The following TSHZ3 variants were observed in gnomAD, a reference collection of about 807,000 sequenced individuals.
TSHZ3 encodes the protein teashirt homolog 3.
TSHZ3 carries 10 observed loss-of-function variants against 64.5 expected under a neutral mutation model. The ratio of observed to expected loss-of-function variants is 0.16; its 90% CI spans 0.10 to 0.26. The LOEUF is 0.26. TSHZ3 is among the 10% of genes least tolerant of loss of function. TSHZ3 has a pLI of 1.00. For missense variants in TSHZ3, 1,242 were observed against 1,421.7 expected, an observed-to-expected ratio of 0.87 and a Z score of 2.03; for synonymous variants, 608 against 593.1, an observed-to-expected ratio of 1.03 and a Z score of -0.36.
At chr19:31,168,284 A>C (rs542508094) in intron 5 of TSHZ3, among the ~76,000 whole-genome samples, 1 of 152,168 alleles carries the variant, frequency 6.6e-6, no homozygotes, top group East Asian at 1.9e-4. Flanking sequence ...TCACAAATCT[A>C]TAGTGTCTAT....
chr19:31,190,109 G>T (rs1974879345), intron 5 of TSHZ3, among the ~76,000 whole-genome samples: 2 of 152,096 alleles, frequency 1.3e-5, no homozygotes, highest in Non-Finnish European at 2.9e-5. Context: ...CTGTTACCAA[G>T]TCTCACTATC....
At position 31,349,309 on chromosome 19, in the gene TSHZ3, C is replaced by T. The variant is rs1344033082; in HGVS notation, c.-90G>A. 2.0e-5 allele frequency: 26 copies of T among 1,325,268 alleles called. No homozygotes were observed. The highest frequency in any genetic ancestry group is 3.1e-5 in the African/African-American group (2 of 64,032). The allele number at this position is 1,325,268 out of a possible 1,614,324, so 82.1% of individuals were successfully genotyped here. ...AGGGGGCGGCGGGCCCGCGGGGGGG[C>T]GAGGCGGGCCTGCTCTCAGCCTCCC... is the stretch of plus-strand genomic sequence containing the variant. On this transcript the variant is annotated 5_prime_UTR_variant, in exon 1 of 2. Coordinates refer to ENST00000240587, the MANE Select transcript of TSHZ3 (RefSeq NM_020856.4).
At chr19:31,219,192 C>T (rs1975369115) in intron 4 of TSHZ3, among the ~76,000 whole-genome samples, 1 of 152,184 alleles carries the variant, frequency 6.6e-6, no homozygotes, top group African/African-American at 2.4e-5. Context: ...CATTAGTTCT[C>T]TGCTCTCAGA....
intron 1 of TSHZ3, among the ~76,000 whole-genome samples, chr19:31,302,492 GA>G (rs1465105074): frequency 3.9e-5 from 6 of 152,198 alleles, no homozygotes; most frequent in African/African-American, 1.4e-4. Context: ...TAAGTTACAT[GA>G]AAATTTAAAG....
intron 1 of TSHZ3, among the ~76,000 whole-genome samples, chr19:31,302,333 G>A (rs1025827595): frequency 3.9e-5 from 6 of 152,142 alleles, no homozygotes; most frequent in South Asian, 2.1e-4. Context: ...AAGACAGCAC[G>A]GTGTGTGAAT....
intron 1 of TSHZ3, among the ~76,000 whole-genome samples, chr19:31,330,429 C>T (rs951331629): frequency 2.6e-5 from 4 of 152,200 alleles, no homozygotes; most frequent in African/African-American, 9.6e-5. Context: ...ACTGGCCTGA[C>T]GGCTCCCAAT....
chr19:31,160,716 A>G (rs1974364604), intron 5 of TSHZ3, among the ~76,000 whole-genome samples: 1 of 152,046 alleles, frequency 6.6e-6, no homozygotes, highest in Non-Finnish European at 1.5e-5. Context: ...ACACACGTAT[A>G]TACACATACA....
intron 1 of TSHZ3, among the ~76,000 whole-genome samples, chr19:31,256,826 C>T (rs1364408542): frequency 1.3e-5 from 2 of 152,156 alleles, no homozygotes; most frequent in African/African-American, 4.8e-5. Context: ...GACAGTCTGC[C>T]TGGCTGATTC....
intron 5 of TSHZ3, among the ~76,000 whole-genome samples, chr19:31,172,557 C>T (rs1227595726): frequency 6.6e-6 from 1 of 152,180 alleles, no homozygotes; most frequent in East Asian, 1.9e-4. Context: ...AGAACACACG[C>T]CAACAGTGAA....
intron 4 of TSHZ3, among the ~76,000 whole-genome samples, chr19:31,213,108 C>A (rs187719419): frequency 4.6e-5 from 7 of 151,988 alleles, no homozygotes; most frequent in African/African-American, 1.4e-4. Flanking sequence ...ATAATCCTAG[C>A]ACTTTGGGAG....
intron 5 of TSHZ3, among the ~76,000 whole-genome samples, chr19:31,171,643 G>A (rs888560813): frequency 1.3e-5 from 2 of 151,850 alleles, no homozygotes; most frequent in Admixed American, 6.6e-5. Flanking sequence ...TCAGTTCTAT[G>A]GGACAATTAG....
chr19:31,307,187 G>T (rs1044237947), intron 1 of TSHZ3, among the ~76,000 whole-genome samples: 1 of 152,104 alleles, frequency 6.6e-6, no homozygotes, highest in Non-Finnish European at 1.5e-5. Flanking sequence ...GCCTCTACCC[G>T]TTTCTATATG....
intron 4 of TSHZ3, among the ~76,000 whole-genome samples, chr19:31,215,543 T>G (rs2145163286): frequency 6.6e-6 from 1 of 152,320 alleles, no homozygotes; most frequent in South Asian, 2.1e-4. Flanking sequence ...AACCATAAAA[T>G]AAAATGATTT....
intron 5 of TSHZ3, among the ~76,000 whole-genome samples, chr19:31,193,523 A>C (rs1171180397): frequency 6.6e-6 from 1 of 152,152 alleles, no homozygotes; most frequent in African/African-American, 2.4e-5. Flanking sequence ...TGGGTAGACA[A>C]CGTGGCACCT....
chr19:31,298,988 A>G (rs1478858745), intron 1 of TSHZ3, among the ~76,000 whole-genome samples: 2 of 152,154 alleles, frequency 1.3e-5, no homozygotes, highest in African/African-American at 4.8e-5. Flanking sequence ...TGAGGTTAGG[A>G]GTTCGAGTCC....
intron 5 of TSHZ3, among the ~76,000 whole-genome samples, chr19:31,174,100 T>G (rs1974575303): frequency 6.6e-6 from 1 of 152,112 alleles, no homozygotes; most frequent in African/African-American, 2.4e-5. Flanking sequence ...AAAAAAAAAT[T>G]GGCTCATGTG....
chr19:31,286,481 C>T lies in TSHZ3; in HGVS notation c.41-6729G>A, dbSNP rs549164028. ...CATTGCATCTGGTCCTCTCAATGGTCAAGGAAGGTGGAAAAATCATCTCCA... is the reference window on the plus strand; with the variant it reads ...CATTGCATCTGGTCCTCTCAATGGTTAAGGAAGGTGGAAAAATCATCTCCA... On this transcript the variant is annotated intron_variant, in intron 1 of 1. Transcript: ENST00000240587. Among the ~76,000 whole-genome samples, 7 of 152,308 alleles carry T rather than the reference C, an allele frequency of 4.6e-5. No individual in the cohort carries two copies. The East Asian group carries it at 1.2e-3, about 25-fold the overall frequency.
intron 1 of TSHZ3, among the ~76,000 whole-genome samples, chr19:31,347,704 G>C (rs529212289): frequency 6.6e-6 from 1 of 152,218 alleles, no homozygotes; most frequent in Non-Finnish European, 1.5e-5. Context: ...ACCGAGGACA[G>C]AGAGCAAAAC....
Position 31,278,417 on chromosome 19 carries a change from G to T in TSHZ3, c.1376C>A (p.Pro459His), listed in dbSNP as rs757565611. The T allele has an allele frequency of 2.5e-6, 4 of 1,614,176 alleles. No individual in the cohort carries two copies. The highest frequency in any genetic ancestry group is 1.3e-5 in the African/African-American group (1 of 75,028). Residue 459 changes from proline (P) to histidine (H), a missense_variant, in exon 2 of 2, where the codon CCT becomes CAT. Coordinates refer to ENST00000240587, the MANE Select transcript of TSHZ3 (RefSeq NM_020856.4). The surrounding 1 kb of genome is among the most constrained non-coding windows in gnomAD (Gnocchi z 4.7). ...ATTCAGTTTTGGGGAGATGCTGGCAGGTGTATTGGAGGGGGACGTGAAGGT... is the reference window on the plus strand; with the variant it reads ...ATTCAGTTTTGGGGAGATGCTGGCATGTGTATTGGAGGGGGACGTGAAGGT... ...ATTFTSPSNTPASISPKLNVE... is the reference protein window; with the variant it reads ...ATTFTSPSNTHASISPKLNVE...
Sources: gnomAD v4.1 joint callset for allele counts (sites outside exome capture counted in the v4.1 genomes callset) on GRCh38, gnomAD v4.1.1 for gene constraint, Gnocchi (gnomAD v3.1) non-coding constraint, MANE v1.5 for transcripts, NCBI Gene and HGNC (gene_info 2026-07-23, HGNC 2026-07-21) for gene names.